The following SPCS1 variants were observed in gnomAD, a reference collection of about 807,000 sequenced individuals.
SPCS1 encodes signal peptidase complex subunit 1, also known as SPase 12 kDa subunit.
A neutral mutation model predicts 16.4 loss-of-function variants in SPCS1; 10 were observed. The observed-to-expected ratio is 0.61, with a 90% CI of 0.38 to 1.03. SPCS1 has a LOEUF of 1.03. Ranked by LOEUF, SPCS1 falls within the 50% of genes least tolerant of loss-of-function variation. The pLI is 0.01. For missense variants in SPCS1, 118 were observed against 123.8 expected, an observed-to-expected ratio of 0.95 and a Z score of 0.22; for synonymous variants, 47 against 42.5, an observed-to-expected ratio of 1.10 and a Z score of -0.41.
rs1239581023 is a variant in SPCS1, at chr3:52,706,790, T to C, written c.97-3T>C. ...GTGTTTAATATACTTCATTTGTCTC[T>C]AGATAGTTGGATTTATCTACGGGTA... On this transcript the variant is annotated splice_region_variant and splice_polypyrimidine_tract_variant and intron_variant, in intron 2 of 3. Coordinates refer to ENST00000619898, the MANE Select transcript of SPCS1 (RefSeq NM_014041.5). 1.2e-6 allele frequency: 2 copies of C among 1,613,552 alleles called. No individual in the cohort carries two copies.
intron 3 of SPCS1, 122 bp from the exon 4 acceptor site, chr3:52,707,565 A>ATTTTTTTTTTTTTT: frequency 1.1e-6 from 1 of 898,164 alleles, no homozygotes; most frequent in Non-Finnish European, 1.7e-6. Context: ...AGGAATATGG[A>ATTTTTTTTTTTTTT]TTTTTTTTTT....
rs1175142314 is a variant in SPCS1, at chr3:52,706,194, C to T, written c.-53C>T. The T allele has an allele frequency of 3.1e-5, 48 of 1,558,696 alleles. No individual in the cohort carries two copies. Among genetic ancestry groups the T allele is most frequent in the Non-Finnish European group, 3.8e-5 (44 of 1,158,422 alleles). ...CTCACGGTCCTTAAGTCTCGGTCGCCCTCGCCTCGCAGCCTGCCACCCGCG... is the reference window on the plus strand; with the variant it reads ...CTCACGGTCCTTAAGTCTCGGTCGCTCTCGCCTCGCAGCCTGCCACCCGCG... On this transcript the variant is annotated 5_prime_UTR_variant, in exon 1 of 4. Transcript: ENST00000619898.
Position 52,706,774 on chromosome 3 carries a change from A to T in SPCS1, c.97-19A>T, listed in dbSNP as rs1049720803. On this transcript the variant is annotated intron_variant, in intron 2 of 3. Transcript: ENST00000619898. ...AACCCTCAGTTTGAGTGTGTTTAAT[A>T]TACTTCATTTGTCTCTAGATAGTTG... is the stretch of plus-strand genomic sequence containing the variant. 4 of 1,612,088 alleles carry T rather than the reference A, an allele frequency of 2.5e-6. No individual in the cohort carries two copies. Among genetic ancestry groups the T allele is most frequent in the Non-Finnish European group, 3.4e-6 (4 of 1,178,216 alleles).
chr3:52,707,898 A>G lies in SPCS1; in HGVS notation c.*86A>G, dbSNP rs2097346257. On this transcript the variant is annotated 3_prime_UTR_variant, in exon 4 of 4. Transcript: ENST00000619898. ...CCCAGATAAGAGCTAAAACCACCTA[A>G]TGCTCTTATGGCACAGCTGTGTATA... 1 of 1,483,254 alleles carries G rather than the reference A, an allele frequency of 6.7e-7. No individual in the cohort carries two copies. Among genetic ancestry groups the G allele is most frequent in the African/African-American group, 1.4e-5 (1 of 71,926 alleles). 91.9% of individuals were successfully genotyped at this position (1,483,254 alleles called of 1,614,324 possible). A position where few individuals can be genotyped will look rare whatever the true frequency, so the allele number is the denominator to read the frequency against.
chr3:52,707,901 C>G lies in SPCS1; in HGVS notation c.*89C>G, dbSNP rs1341615074. 3 of 1,488,440 alleles carry G rather than the reference C, an allele frequency of 2.0e-6. No homozygotes were observed. The highest frequency in any genetic ancestry group is 2.8e-5 in the African/African-American group (2 of 72,098). The allele number at this position is 1,488,440 out of a possible 1,614,324, so 92.2% of individuals were successfully genotyped here. Reference sequence around the variant, plus strand: ...AGATAAGAGCTAAAACCACCTAATGCTCTTATGGCACAGCTGTGTATAGAT... The same window carrying G: ...AGATAAGAGCTAAAACCACCTAATGGTCTTATGGCACAGCTGTGTATAGAT... On this transcript the variant is annotated 3_prime_UTR_variant, in exon 4 of 4. Transcript: ENST00000619898.
At chr3:52,706,960 C>T in intron 3 of SPCS1, 81 bp downstream of exon 3, 1 of 945,634 alleles carries the variant, frequency 1.1e-6, no homozygotes, top group South Asian at 1.3e-5. Flanking sequence ...GTAGTGAGAC[C>T]CAAAGCCAAC....
chr3:52,707,932 T>TC lies in SPCS1; in HGVS notation c.*121dup. The TC allele has an allele frequency of 7.9e-7, 1 of 1,262,252 alleles. No homozygotes were observed. The highest frequency in any genetic ancestry group is 1.1e-6 in the Non-Finnish European group (1 of 894,938). The allele number at this position is 1,262,252 out of a possible 1,614,324, so 78.2% of individuals were successfully genotyped here. Reference sequence around the variant, plus strand: ...TGGCACAGCTGTGTATAGATTTAGTTCTCTTTATACTTCATTTCTAGCCCA... The same window carrying TC: ...TGGCACAGCTGTGTATAGATTTAGTTCCTCTTTATACTTCATTTCTAGCCCA... On this transcript the variant is annotated 3_prime_UTR_variant, in exon 4 of 4. Coordinates refer to ENST00000619898, the MANE Select transcript of SPCS1 (RefSeq NM_014041.5).
In SPCS1 at chr3:52,708,130, T is replaced by A. The variant is rs182890500; in HGVS notation, c.*318T>A. The A allele has an allele frequency of 5.4e-6, 1 of 183,758 alleles. No homozygotes were observed. 11.4% of individuals were successfully genotyped at this position (183,758 alleles called of 1,614,324 possible). ...CAAAGTTTTATAATTCATTATGAGTTAACCATTTTAATGTTTCCAATTAAA... is the reference window on the plus strand; with the variant it reads ...CAAAGTTTTATAATTCATTATGAGTAAACCATTTTAATGTTTCCAATTAAA... On this transcript the variant is annotated 3_prime_UTR_variant, in exon 4 of 4. Transcript: ENST00000619898.
Position 52,706,754 on chromosome 3 carries a change from TCA to T in SPCS1, c.97-38_97-37del, listed in dbSNP as rs1470684395. 3.1e-6 allele frequency: 5 copies of T among 1,608,860 alleles called. No homozygotes were observed. The East Asian group carries it at 8.9e-5, about 29-fold the overall frequency. On this transcript the variant is annotated intron_variant, in intron 2 of 3. Coordinates refer to ENST00000619898, the MANE Select transcript of SPCS1 (RefSeq NM_014041.5). ...TCCGCCCCCGCCTCCCTCCCAACCC[TCA>T]GTTTGAGTGTGTTTAATATACTTCA...
Position 52,707,874 on chromosome 3 carries a change from C to G in SPCS1, c.*62C>G, listed in dbSNP as rs1043241121. 4 of 1,602,148 alleles carry G rather than the reference C, an allele frequency of 2.5e-6. No homozygotes were observed. Among genetic ancestry groups the G allele is most frequent in the Non-Finnish European group, 2.6e-6 (3 of 1,171,460 alleles). On this transcript the variant is annotated 3_prime_UTR_variant, in exon 4 of 4. Coordinates refer to ENST00000619898, the MANE Select transcript of SPCS1 (RefSeq NM_014041.5). ...AGATGAGCTAAATTGCTTTCATACCCCAGATAAGAGCTAAAACCACCTAAT... is the reference window on the plus strand; with the variant it reads ...AGATGAGCTAAATTGCTTTCATACCGCAGATAAGAGCTAAAACCACCTAAT...
intron 1 of SPCS1, 104 bp downstream of exon 1, chr3:52,706,386 T>C: frequency 7.8e-7 from 1 of 1,277,774 alleles, no homozygotes; most frequent in Non-Finnish European, 1.1e-6. Context: ...CGGGCCCGGA[T>C]GGTTACCGTC....
intron 3 of SPCS1, 98 bp downstream of exon 3, chr3:52,706,977 C>G: frequency 4.7e-6 from 4 of 842,172 alleles, no homozygotes; most frequent in South Asian, 2.8e-5. Context: ...CAACGTTTCC[C>G]TCATCCTTCC....
rs1286914120 is a variant in SPCS1, at chr3:52,709,204, TTG to T, written c.*1393_*1394del. 2.0e-5 allele frequency: 3 copies of T among 148,706 alleles called. No individual in the cohort carries two copies. The East Asian group carries it at 6.0e-4, about 30-fold the overall frequency. 9.2% of individuals were successfully genotyped at this position (148,706 alleles called of 1,614,324 possible). ...CTCAAAAAAAAAAAAAAAAGAATGATTGACATTTTAGAACCAATGCCAAAAGA... is the reference window on the plus strand; with the variant it reads ...CTCAAAAAAAAAAAAAAAAGAATGATACATTTTAGAACCAATGCCAAAAGA... On this transcript the variant is annotated 3_prime_UTR_variant, in exon 4 of 4. Transcript: ENST00000619898.
rs2097346337 is a variant in SPCS1 at position 52,707,989 on chromosome 3, CCTT to C, written c.*180_*182del. ...TTTTGATTTATATAAGTAGTTTAGA[CCTT>C]CTCTTCATAATCTTGCTCTGAGATG... On this transcript the variant is annotated 3_prime_UTR_variant, in exon 4 of 4. Transcript: ENST00000619898. 6.3e-6 allele frequency: 4 copies of C among 632,346 alleles called. No homozygotes were observed. Among genetic ancestry groups the C allele is most frequent in the African/African-American group, 1.8e-5 (1 of 54,406 alleles). The allele number at this position is 632,346 out of a possible 1,614,324, so 39.2% of individuals were successfully genotyped here. A position where few individuals can be genotyped will look rare whatever the true frequency, so the allele number is the denominator to read the frequency against.
Position 52,706,878 on chromosome 3 carries a change from TG to T in SPCS1, c.183+1del. The T allele has an allele frequency of 6.2e-7, 1 of 1,613,278 alleles. No homozygotes were observed. Among genetic ancestry groups the T allele is most frequent in the Non-Finnish European group, 8.5e-7 (1 of 1,179,278 alleles). On this transcript the variant is annotated frameshift_variant and splice_region_variant, in exon 3 of 4. Coordinates refer to ENST00000619898, the MANE Select transcript of SPCS1 (RefSeq NM_014041.5). LOFTEE classifies it high-confidence loss of function. ...IVMAGFAFSC[L>X]LTLPPWPIYR... ...ATGGCCGGATTTGCTTTTTCATGTT[TG>T]GTAAGAAATTTGTGGGTATTAGTGG...
Position 52,710,750 on chromosome 3 carries a change from A to G in SPCS1, c.*2938A>G, listed in dbSNP as rs1233813776. On this transcript the variant is annotated 3_prime_UTR_variant, in exon 4 of 4. Transcript: ENST00000619898. Reference sequence around the variant, plus strand: ...GCACTCCAGCCTGACTGACAGAGTGAAACTCTGTCTCAAAAAAAAAACACC... The same window carrying G: ...GCACTCCAGCCTGACTGACAGAGTGGAACTCTGTCTCAAAAAAAAAACACC... The G allele has an allele frequency of 6.6e-6, 1 of 152,166 alleles. No individual in the cohort carries two copies. The highest frequency in any genetic ancestry group is 1.5e-5 in the Non-Finnish European group (1 of 68,022). The allele number at this position is 152,166 out of a possible 1,614,324, so 9.4% of individuals were successfully genotyped here.
At position 52,709,914 on chromosome 3, in the gene SPCS1, G is replaced by C. The variant is rs1388581809; in HGVS notation, c.*2102G>C. On this transcript the variant is annotated 3_prime_UTR_variant, in exon 4 of 4. Transcript: ENST00000619898. ...CTGGGCATTGGGACTTGATGGTTTT[G>C]CAAGTTGAGTTCTAGCAAACCCTTC... 2 of 152,152 alleles carry C rather than the reference G, an allele frequency of 1.3e-5. No homozygotes were observed. Among genetic ancestry groups the C allele is most frequent in the Non-Finnish European group, 2.9e-5 (2 of 68,034 alleles). The allele number at this position is 152,152 out of a possible 1,614,324, so 9.4% of individuals were successfully genotyped here.
At chr3:52,707,359 A>G in intron 3 of SPCS1, 1 of 225,268 alleles carries the variant, frequency 4.4e-6, no homozygotes, top group Non-Finnish European at 8.8e-6. Flanking sequence ...TAGTAAAGAC[A>G]GGGCTTCACT....
rs1232542605 is a variant in SPCS1 at position 52,710,527 on chromosome 3, G to A, written c.*2715G>A. On this transcript the variant is annotated 3_prime_UTR_variant, in exon 4 of 4. Coordinates refer to ENST00000619898, the MANE Select transcript of SPCS1 (RefSeq NM_014041.5). ...TGTAATCCTGGCACTTTGGGAGGCT[G>A]AGGTGAGTGGATTGCTTGAGCCCAG... The A allele has an allele frequency of 6.6e-6, 1 of 152,158 alleles. No homozygotes were observed. The highest frequency in any genetic ancestry group is 1.5e-5 in the Non-Finnish European group (1 of 68,040). 9.4% of individuals were successfully genotyped at this position (152,158 alleles called of 1,614,324 possible).
Sources: allele counts gnomAD v4.1 joint callset, GRCh38; gene constraint gnomAD v4.1.1; transcripts MANE v1.5; gene names NCBI Gene and HGNC (gene_info 2026-07-23, HGNC 2026-07-21).